The following JHY variants were observed in gnomAD, a reference collection of about 807,000 sequenced individuals.
JHY encodes the protein jhy protein homolog.
In JHY, 69 loss-of-function variants were observed where a neutral mutation model predicts 78.0. The ratio of observed to expected loss-of-function variants is 0.88; its 90% CI spans 0.73 to 1.08. JHY has a LOEUF of 1.08. Among genes scored for constraint, JHY ranks in the 50% least tolerant of loss-of-function variants. JHY has a pLI of 0.00. For missense variants in JHY, 944 were observed against 927.8 expected, an observed-to-expected ratio of 1.02 and a Z score of -0.23; for synonymous variants, 368 against 342.6, an observed-to-expected ratio of 1.07 and a Z score of -0.82.
Position 122,888,186 on chromosome 11 carries a change from A to C in JHY, c.344+1993A>C, listed in dbSNP as rs145159369. On this transcript the variant is annotated intron_variant, in intron 2 of 8. Coordinates refer to ENST00000227349, the MANE Select transcript of JHY (RefSeq NM_024806.4). The stretch of plus-strand genomic sequence containing the variant: ...AGGCTTGCAGGACAGCTTCAGAGAG[A>C]CAGACAACCTTGATAGGACTAGGCT... Among the ~76,000 whole-genome samples, 3 of 152,292 alleles carry C rather than the reference A, an allele frequency of 2.0e-5. No homozygotes were observed. The East Asian group carries it at 5.8e-4, about 29-fold the overall frequency.
intron 1 of JHY, among the ~76,000 whole-genome samples, chr11:122,885,102 CA>C (rs1182205055): frequency 6.6e-6 from 1 of 151,424 alleles, no homozygotes; most frequent in Non-Finnish European, 1.5e-5. Flanking sequence ...GATTGTTGAA[CA>C]GTTTTAATCG....
intron 3 of JHY, among the ~76,000 whole-genome samples, chr11:122,909,811 T>C (rs894059836): frequency 9.2e-5 from 14 of 151,974 alleles, no homozygotes; most frequent in Non-Finnish European, 1.8e-4. Flanking sequence ...AATAAATAAA[T>C]GTATAGAGCG....
intron 3 of JHY, among the ~76,000 whole-genome samples, chr11:122,924,628 CT>C (rs1391744522): frequency 6.6e-6 from 1 of 152,118 alleles, no homozygotes; most frequent in African/African-American, 2.4e-5. Flanking sequence ...ATTGGGTCCC[CT>C]GAGTATGTAT....
Position 122,927,378 on chromosome 11 carries a change from G to C in JHY, c.978+2368G>C, listed in dbSNP as rs149802160. On this transcript the variant is annotated intron_variant, in intron 4 of 8. Transcript: ENST00000227349. The stretch of plus-strand genomic sequence containing the variant: ...TTGTGGAGCAAAACATCTAAAAAGT[G>C]TTATTGACCTAAAATGACAATAACC... Among the ~76,000 whole-genome samples the C allele has an allele frequency of 9.5e-4, 144 of 152,230 alleles. 1 individual carries two copies. Among genetic ancestry groups the C allele is most frequent in the Middle Eastern group, 3.4e-3 (1 of 294 alleles).
chr11:122,887,354 C>T lies in JHY; in HGVS notation c.344+1161C>T, dbSNP rs374232726. 3.3e-5 allele frequency among the ~76,000 whole-genome samples: 5 copies of T among 152,196 alleles called. No individual in the cohort carries two copies. The East Asian group carries it at 5.8e-4, about 18-fold the overall frequency. On this transcript the variant is annotated intron_variant, in intron 2 of 8. Transcript: ENST00000227349. ...TGTGTGTGGGACGGGGGAGGAGTCTCGCTCTGTCATCAGGCTGGAGTGCAG... is the reference window on the plus strand; with the variant it reads ...TGTGTGTGGGACGGGGGAGGAGTCTTGCTCTGTCATCAGGCTGGAGTGCAG...
At chr11:122,914,282 G>C (rs1192694451) in intron 3 of JHY, among the ~76,000 whole-genome samples, 3 of 152,054 alleles carry the variant, frequency 2.0e-5, no homozygotes, top group Non-Finnish European at 4.4e-5. Context: ...CTTTTTCATA[G>C]TTTTAAATTT....
At chr11:122,933,090 T>G (rs1205574633) in intron 4 of JHY, among the ~76,000 whole-genome samples, 1 of 152,206 alleles carries the variant, frequency 6.6e-6, no homozygotes, top group Non-Finnish European at 1.5e-5. Flanking sequence ...TAATGTGATT[T>G]CACTAGAAAT....
chr11:122,903,481 AATTT>A (rs1172665457), intron 2 of JHY, among the ~76,000 whole-genome samples: 2 of 152,028 alleles, frequency 1.3e-5, no homozygotes, highest in African/African-American at 4.8e-5. Flanking sequence ...TTAATCAATT[AATTT>A]ATTTATTTTA....
chr11:122,886,065 C>T lies in JHY; in HGVS notation c.216C>T (p.Asp72=). The change falls in exon 2 of 9, where the codon GAC becomes GAT. Residue 72 remains aspartate, a synonymous_variant. Transcript: ENST00000227349. ...TCCGGGGCAACGGTATGGAGCCCGA[C>T]AGCTTAGACGAGGAGGAAAGCCCTC... ...DRIRGNGMEP[D]SLDEEESPRW... is the part of the protein sequence containing the mutation. 1 of 1,614,126 alleles carries T rather than the reference C, an allele frequency of 6.2e-7. No individual in the cohort carries two copies. Among genetic ancestry groups the T allele is most frequent in the East Asian group, 2.2e-5 (1 of 44,882 alleles).
At position 122,889,537 on chromosome 11, in the gene JHY, G is replaced by A. The variant is rs1299378634; in HGVS notation, c.344+3344G>A. On this transcript the variant is annotated intron_variant, in intron 2 of 8. Transcript: ENST00000227349. ...TTTAAAATATATAGGAGGACATGCA[G>A]GGCTATATACAAATATTACCCCAAT... is the stretch of plus-strand genomic sequence containing the variant. 7.2e-5 allele frequency among the ~76,000 whole-genome samples: 11 copies of A among 152,092 alleles called. 1 individual carries two copies. The highest frequency in any genetic ancestry group is 7.2e-4 in the Admixed American group (11 of 15,264).
rs904505001 is a variant in JHY, at chr11:122,961,332, T to C, written c.*1887T>C. Among the ~76,000 whole-genome samples, 4 of 152,004 alleles carry C rather than the reference T, an allele frequency of 2.6e-5. No homozygotes were observed. The highest frequency in any genetic ancestry group is 4.4e-5 in the Non-Finnish European group (3 of 68,014). On this transcript the variant is annotated 3_prime_UTR_variant, in exon 9 of 9. Coordinates refer to ENST00000227349, the MANE Select transcript of JHY (RefSeq NM_024806.4). ...TTTTTTATTGTTGTTTTTTTTGCTG[T>C]TGTTGTTGTTTTTAGACAGACTCTC... is the stretch of plus-strand genomic sequence containing the variant.
At chr11:122,920,138 G>A (rs984750783) in intron 3 of JHY, among the ~76,000 whole-genome samples, 19 of 152,110 alleles carry the variant, frequency 1.2e-4, no homozygotes, top group Admixed American at 8.5e-4. Context: ...GGTGTGAATC[G>A]ACACACAGCA....
chr11:122,943,323 A>G (rs1863910161), intron 5 of JHY, among the ~76,000 whole-genome samples: 1 of 152,248 alleles, frequency 6.6e-6, no homozygotes, highest in Non-Finnish European at 1.5e-5. Context: ...AGAAAACATC[A>G]TTCACATGAT....
rs1591363631 is a variant in JHY, at chr11:122,883,597, T to TC, written c.-90+626dup. On this transcript the variant is annotated intron_variant, in intron 1 of 8. Transcript: ENST00000227349. The surrounding 1 kb of genome is among the most constrained non-coding windows in gnomAD (Gnocchi z 4.4). Reference sequence around the variant, plus strand: ...TCAGCGGCACAACCTTTTTTTTTTTTCACTGGACGGGAGGAGGGAGCCACA... The same window carrying TC: ...TCAGCGGCACAACCTTTTTTTTTTTTCCACTGGACGGGAGGAGGGAGCCACA... Among the ~76,000 whole-genome samples the TC allele has an allele frequency of 6.6e-6, 1 of 152,002 alleles. No individual in the cohort carries two copies. Among genetic ancestry groups the TC allele is most frequent in the Non-Finnish European group, 1.5e-5 (1 of 67,992 alleles).
At chr11:122,915,108 A>C (rs1283956106) in intron 3 of JHY, among the ~76,000 whole-genome samples, 1 of 152,076 alleles carries the variant, frequency 6.6e-6, no homozygotes, top group African/African-American at 2.4e-5. Context: ...ATTTAACATA[A>C]ATTTCTATCA....
At chr11:122,892,424 G>A (rs1166069595) in intron 2 of JHY, among the ~76,000 whole-genome samples, 1 of 151,932 alleles carries the variant, frequency 6.6e-6, no homozygotes, top group African/African-American at 2.4e-5. Flanking sequence ...CTGGGTTCAA[G>A]CAATTCTCCT....
intron 6 of JHY, among the ~76,000 whole-genome samples, chr11:122,955,925 T>C (rs1371970884): frequency 6.6e-6 from 1 of 152,182 alleles, no homozygotes; most frequent in Non-Finnish European, 1.5e-5. Flanking sequence ...TCCAGGGAAG[T>C]CATTTGGCCC....
chr11:122,924,556 A>G (rs1466630843), intron 3 of JHY, among the ~76,000 whole-genome samples: 1 of 152,160 alleles, frequency 6.6e-6, no homozygotes, highest in Non-Finnish European at 1.5e-5. Flanking sequence ...GTTATTTCAT[A>G]GTGTTTCTAT....
chr11:122,946,321 A>G (rs1454416451), intron 5 of JHY, among the ~76,000 whole-genome samples, 177 bp from the exon 6 acceptor site: 1 of 152,246 alleles, frequency 6.6e-6, no homozygotes, highest in African/African-American at 2.4e-5. Flanking sequence ...GAAAAAGAGG[A>G]GGAGTTTAAG....
Sources: gnomAD v4.1 joint callset for allele counts (sites outside exome capture counted in the v4.1 genomes callset) on GRCh38, gnomAD v4.1.1 for gene constraint, Gnocchi (gnomAD v3.1) non-coding constraint, MANE v1.5 for transcripts, NCBI Gene and HGNC (gene_info 2026-07-23, HGNC 2026-07-21) for gene names.